Variants in TPX2 observed in about 807,000 individuals in gnomAD.
TPX2 encodes targeting protein for Xklp2.
TPX2 carries 21 observed loss-of-function variants against 93.6 expected under a neutral mutation model. The ratio of observed to expected loss-of-function variants is 0.22; its 90% CI spans 0.16 to 0.32. The LOEUF (loss-of-function observed/expected upper bound fraction) is 0.32. Among genes scored for constraint, TPX2 ranks in the 10% least tolerant of loss-of-function variants. The pLI is 1.00. For synonymous variants in TPX2, 281 were observed against 298.3 expected (o/e 0.94, Z 0.60); for missense variants, 776 against 871.1 (o/e 0.89, Z 1.37).
chr20:31,752,419 G>A lies in TPX2; in HGVS notation c.-70-4988G>A, dbSNP rs377007046. 1.7e-4 allele frequency among the ~76,000 whole-genome samples: 26 copies of A among 152,296 alleles called. No homozygotes were observed. In the East Asian group the frequency reaches 4.2e-3, roughly 25 times the overall value. On this transcript the variant is annotated intron_variant, in intron 2 of 17. Coordinates refer to ENST00000300403, the MANE Select transcript of TPX2 (RefSeq NM_012112.5). ...ATCAGGAGGTAACTTCCATTTTAATGTACTTGCTACTGTTTTGGTCATGGT... is the reference window on the plus strand; with the variant it reads ...ATCAGGAGGTAACTTCCATTTTAATATACTTGCTACTGTTTTGGTCATGGT...
At chr20:31,744,223 G>A (rs1394795743) in intron 2 of TPX2, among the ~76,000 whole-genome samples, 1 of 136,576 alleles carries the variant, frequency 7.3e-6, no homozygotes, top group African/African-American at 2.8e-5. Flanking sequence ...GTGCAATGGC[G>A]CGATCTCTGG....
chr20:31,764,174 A>G (rs752471082), intron 4 of TPX2, among the ~76,000 whole-genome samples: 1 of 151,334 alleles, frequency 6.6e-6, no homozygotes, highest in African/African-American at 2.4e-5. Context: ...ATACATGTAT[A>G]TGTATATATT....
At chr20:31,782,137 C>A in intron 10 of TPX2, 112 bp from the exon 11 acceptor site, 1 of 1,383,528 alleles carries the variant, frequency 7.2e-7, no homozygotes, top group Non-Finnish European at 9.7e-7. Flanking sequence ...CTGTTGTGGG[C>A]CCACCACTCT....
chr20:31,778,500 G>A (rs1193911668), intron 9 of TPX2, among the ~76,000 whole-genome samples: 1 of 152,004 alleles, frequency 6.6e-6, no homozygotes, highest in Non-Finnish European at 1.5e-5. Flanking sequence ...TCTTTGCAGT[G>A]CTTTTTGTCT....
In TPX2 at chr20:31,766,681, A is replaced by C; in HGVS notation, c.355A>C (p.Arg119=). 1 of 1,610,600 alleles carries C rather than the reference A, an allele frequency of 6.2e-7. No individual in the cohort carries two copies. The highest frequency in any genetic ancestry group is 8.5e-7 in the Non-Finnish European group (1 of 1,178,864). The change falls in exon 5 of 18, where the codon AGA becomes CGA. Residue 119 remains arginine, a splice_region_variant and synonymous_variant. Coordinates refer to ENST00000300403, the MANE Select transcript of TPX2 (RefSeq NM_012112.5). ...AAGAAAAACTCCAGCCCAGCCTCAG[A>C]GGTAAGACTTTGGAATCTCAAAGTG... ...ISRKTPAQPQ[R]RSLRLSAQKD...
chr20:31,785,195 T>G (rs1300591174), intron 12 of TPX2, among the ~76,000 whole-genome samples: 1 of 152,244 alleles, frequency 6.6e-6, no homozygotes, highest in Non-Finnish European at 1.5e-5. Context: ...ACGATGCTTT[T>G]TTTTCCCTGC....
chr20:31,775,722 A>G (rs1481943987), intron 7 of TPX2, 145 bp from the exon 8 acceptor site: 1 of 754,354 alleles, frequency 1.3e-6, no homozygotes, highest in Non-Finnish European at 1.8e-6. Flanking sequence ...TAATTAAGTT[A>G]GCATCTATTT....
chr20:31,742,536 TC>T lies in TPX2; in HGVS notation c.-177-3del, dbSNP rs1372931601. The T allele has an allele frequency of 3.9e-5, 6 of 152,256 alleles. No homozygotes were observed. The allele number at this position is 152,256 out of a possible 1,614,324, so 9.4% of individuals were successfully genotyped here. ...CCTGTTTCATCACTTTTCTGCTTCT[TC>T]CAGGTTCTTGATACATATTTGCCAG... On this transcript the variant is annotated splice_polypyrimidine_tract_variant and splice_region_variant and intron_variant, in intron 1 of 17. Transcript: ENST00000300403.
At chr20:31,757,370 T>A in intron 2 of TPX2, 37 bp from the exon 3 acceptor site, 1 of 881,736 alleles carries the variant, frequency 1.1e-6, no homozygotes, top group Non-Finnish European at 1.8e-6. Flanking sequence ...ATGATGGGAA[T>A]TTACTTAGAT....
chr20:31,789,506 T>C (rs1287690385), intron 12 of TPX2, among the ~76,000 whole-genome samples: 1 of 152,132 alleles, frequency 6.6e-6, no homozygotes, highest in African/African-American at 2.4e-5. Context: ...ATTGAACAGT[T>C]ACTACGGGGT....
chr20:31,791,018 C>G (rs893526060), intron 12 of TPX2, among the ~76,000 whole-genome samples: 1 of 151,928 alleles, frequency 6.6e-6, no homozygotes, highest in African/African-American at 2.4e-5. Flanking sequence ...TTCAAGCAGC[C>G]GGGGCATTTC....
chr20:31,789,771 C>G (rs1337666595), intron 12 of TPX2, among the ~76,000 whole-genome samples: 1 of 152,058 alleles, frequency 6.6e-6, no homozygotes, highest in Admixed American at 6.6e-5. Flanking sequence ...TTCCTCTCCC[C>G]CAACTAATTA....
intron 1 of TPX2, among the ~76,000 whole-genome samples, chr20:31,740,102 G>T (rs577205561): frequency 6.6e-6 from 1 of 152,074 alleles, no homozygotes; most frequent in Non-Finnish European, 1.5e-5. Flanking sequence ...TAGATTGGAG[G>T]GGGGAAGGAA....
intron 5 of TPX2, among the ~76,000 whole-genome samples, chr20:31,768,125 T>C (rs1326749658): frequency 6.6e-6 from 1 of 151,660 alleles, no homozygotes; most frequent in Non-Finnish European, 1.5e-5. Flanking sequence ...GTAGAGATAG[T>C]GTCTTTCCAT....
At chr20:31,765,303 A>T (rs2061917624) in intron 4 of TPX2, among the ~76,000 whole-genome samples, 1 of 147,080 alleles carries the variant, frequency 6.8e-6, no homozygotes, top group Non-Finnish European at 1.5e-5. Context: ...TATTTATATA[A>T]TATTGAAAAG....
chr20:31,795,056 C>T (rs1195841990), intron 15 of TPX2, among the ~76,000 whole-genome samples: 4 of 152,072 alleles, frequency 2.6e-5, no homozygotes, highest in Non-Finnish European at 4.4e-5. Context: ...TTCCTGACCT[C>T]GTGATCTGTC....
Position 31,757,543 on chromosome 20 carries a change from G to A in TPX2, c.67G>A (p.Asp23Asn). Residue 23 changes from aspartate (D) to asparagine (N), a missense_variant, in exon 3 of 18, where the codon GAT becomes AAT. Physicochemically the swap from Asp to Asn is conservative, Grantham distance 23. Transcript: ENST00000300403. ...PSDFINFSSL[D>N]DEGDTQNIDS... The stretch of plus-strand genomic sequence containing the variant: ...GGATTTCATCAATTTTTCATCCTTG[G>A]ATGATGAAGGAGATACTCAAAACAT... 1 of 1,614,006 alleles carries A rather than the reference G, an allele frequency of 6.2e-7. No individual in the cohort carries two copies. The highest frequency in any genetic ancestry group is 8.5e-7 in the Non-Finnish European group (1 of 1,180,014).
At chr20:31,753,105 C>T (rs934726238) in intron 2 of TPX2, among the ~76,000 whole-genome samples, 4 of 152,040 alleles carry the variant, frequency 2.6e-5, no homozygotes, top group African/African-American at 9.7e-5. Context: ...CTGGGGATAC[C>T]AAAGAACCCC....
chr20:31,746,201 G>A (rs1042284797), intron 2 of TPX2, among the ~76,000 whole-genome samples: 3 of 152,168 alleles, frequency 2.0e-5, no homozygotes, highest in Non-Finnish European at 4.4e-5. Flanking sequence ...ATAGAAGTTA[G>A]CAAACATAAA....
Sources: allele counts gnomAD v4.1 joint callset (sites outside exome capture counted in the v4.1 genomes callset), GRCh38; gene constraint gnomAD v4.1.1; transcripts MANE v1.5; gene names NCBI Gene and HGNC (gene_info 2026-07-23, HGNC 2026-07-21).